NEMP2: variants seen among roughly 807,000 people sequenced by gnomAD.
NEMP2 encodes UPF0571 transmembrane protein.
NEMP2 carries 53 observed loss-of-function variants against 54.2 expected under a neutral mutation model. That is an observed-to-expected ratio of 0.98 (90% confidence interval 0.78 to 1.23). The LOEUF is 1.23. NEMP2 is among the 50% of genes most tolerant of loss of function. The pLI, the probability that NEMP2 is intolerant of heterozygous loss-of-function variation, is 0.00. For missense variants in NEMP2, 455 were observed against 511.3 expected, an observed-to-expected ratio of 0.89 and a Z score of 1.06; for synonymous variants, 197 against 190.3, an observed-to-expected ratio of 1.04 and a Z score of -0.29.
At chr2:190,648,761 A>G in the NEMP2 span, 1 of 149,464 alleles carries the variant, frequency 6.7e-6, no homozygotes, top group South Asian at 2.1e-4. Context: ...CCCGGCGCCC[A>G]CTTGGTTCCT....
chr2:190,509,437 A>G lies in NEMP2; in HGVS notation c.1131-125T>C. The G allele has an allele frequency of 9.4e-7, 1 of 1,069,446 alleles. No homozygotes were observed. Among genetic ancestry groups the G allele is most frequent in the Non-Finnish European group, 1.4e-6 (1 of 738,078 alleles). 66.2% of individuals were successfully genotyped at this position (1,069,446 alleles called of 1,614,324 possible). A position where few individuals can be genotyped will look rare whatever the true frequency, so the allele number is the denominator to read the frequency against. Reference sequence around the variant, plus strand: ...TGACTTTGCATCAATACAGGGTGGCATTTACACAGTGGGTGTAAAAATGGG... The same window carrying G: ...TGACTTTGCATCAATACAGGGTGGCGTTTACACAGTGGGTGTAAAAATGGG... On this transcript the variant is annotated intron_variant, in intron 8 of 8. Coordinates refer to ENST00000409150, the MANE Select transcript of NEMP2 (RefSeq NM_001142645.2). This position sits in a 1 kb window ranked among gnomAD's most constrained non-coding sequence, Gnocchi z 6.1.
the NEMP2 span, among the ~76,000 whole-genome samples, chr2:190,559,207 TTGAA>T: frequency 6.6e-6 from 1 of 152,230 alleles, no homozygotes; most frequent in East Asian, 1.9e-4. The surrounding 1 kb of genome is among the most constrained non-coding windows in gnomAD (Gnocchi z 4.0). Flanking sequence ...TCTGGCTTGA[TTGAA>T]TGGCCATTCT....
chr2:190,517,745 A>G, intron 4 of NEMP2, 132 bp from the exon 5 acceptor site: 1 of 669,044 alleles, frequency 1.5e-6, no homozygotes, highest in East Asian at 3.0e-5. Context: ...CTCTCATTAC[A>G]TCCTATACTC....
At chr2:190,485,940 A>T in the NEMP2 span, among the ~76,000 whole-genome samples, 1 of 152,196 alleles carries the variant, frequency 6.6e-6, no homozygotes, top group Non-Finnish European at 1.5e-5. This position sits in a 1 kb window ranked among gnomAD's most constrained non-coding sequence, Gnocchi z 5.1. Flanking sequence ...TCCATTATGG[A>T]CTGACTTAAG....
the NEMP2 span, among the ~76,000 whole-genome samples, chr2:190,637,807 C>G: frequency 6.6e-6 from 1 of 152,228 alleles, no homozygotes; most frequent in South Asian, 2.1e-4. The surrounding 1 kb of genome is among the most constrained non-coding windows in gnomAD (Gnocchi z 4.5). Context: ...GGAAATAGGG[C>G]AGAGATTTAA....
In NEMP2 at chr2:190,534,317, G is replaced by A. The variant is rs1424763671; in HGVS notation, c.97+242C>T. The A allele has an allele frequency of 2.5e-6, 3 of 1,184,598 alleles. No individual in the cohort carries two copies. The African/African-American group carries it at 4.8e-5, about 19-fold the overall frequency. The allele number at this position is 1,184,598 out of a possible 1,614,324, so 73.4% of individuals were successfully genotyped here. On this transcript the variant is annotated intron_variant, in intron 1 of 8. Transcript: ENST00000409150. Reference sequence around the variant, plus strand: ...AACGAGGGAATTGGGCGACTGGATCGCGCGGTTGCTTCTAATTCTAAAATT... The same window carrying A: ...AACGAGGGAATTGGGCGACTGGATCACGCGGTTGCTTCTAATTCTAAAATT...
chr2:190,458,846 A>G, the NEMP2 span, among the ~76,000 whole-genome samples: 5 of 152,190 alleles, frequency 3.3e-5, no homozygotes, highest in Admixed American at 3.3e-4. This position sits in a 1 kb window ranked among gnomAD's most constrained non-coding sequence, Gnocchi z 5.3. Context: ...CTCTCCCTCT[A>G]TTAGCTCTGT....
At chr2:190,601,105 T>C in the NEMP2 span, among the ~76,000 whole-genome samples, 1 of 152,134 alleles carries the variant, frequency 6.6e-6, no homozygotes, top group African/African-American at 2.4e-5. This position sits in a 1 kb window ranked among gnomAD's most constrained non-coding sequence, Gnocchi z 5.8. Context: ...GTGTAATTAG[T>C]TTAAGATGAG....
the NEMP2 span, among the ~76,000 whole-genome samples, chr2:190,449,870 G>A: frequency 6.6e-6 from 1 of 151,996 alleles, no homozygotes; most frequent in Non-Finnish European, 1.5e-5. Context: ...GTTGTGGGGT[G>A]GGGGAAGGGG....
the NEMP2 span, among the ~76,000 whole-genome samples, chr2:190,571,569 T>G: frequency 1.3e-5 from 2 of 151,698 alleles, no homozygotes; most frequent in African/African-American, 4.8e-5. Flanking sequence ...ATAATAATAA[T>G]AAACCTTTTC....
chr2:190,646,497 T>C, the NEMP2 span, among the ~76,000 whole-genome samples: 1 of 152,250 alleles, frequency 6.6e-6, no homozygotes, highest in Non-Finnish European at 1.5e-5. Flanking sequence ...GACTACAGTG[T>C]TGTCATACAG....
chr2:190,440,659 T>C, the NEMP2 span, among the ~76,000 whole-genome samples: 3 of 152,364 alleles, frequency 2.0e-5, no homozygotes, highest in African/African-American at 7.2e-5. Context: ...GATTTAAATT[T>C]ATTTACATTT....
In NEMP2 at chr2:190,517,109, A is replaced by G. The variant is rs1039501293; in HGVS notation, c.612+411T>C. Among the ~76,000 whole-genome samples, 146 of 151,342 alleles carry G rather than the reference A, an allele frequency of 9.6e-4. 1 individual carries two copies. The highest frequency in any genetic ancestry group is 3.3e-3 in the African/African-American group (136 of 41,364). On this transcript the variant is annotated intron_variant, in intron 5 of 8. Coordinates refer to ENST00000409150, the MANE Select transcript of NEMP2 (RefSeq NM_001142645.2). ...GTGTCTCAAAAAAAAAAAAAAAAAAAAAGAAGGTGGGTTGGGGAACTAATA... is the reference window on the plus strand; with the variant it reads ...GTGTCTCAAAAAAAAAAAAAAAAAAGAAGAAGGTGGGTTGGGGAACTAATA...
the NEMP2 span, chr2:190,610,863 A>G: frequency 3.9e-5 from 6 of 152,224 alleles, no homozygotes; most frequent in African/African-American, 1.2e-4. This position sits in a 1 kb window ranked among gnomAD's most constrained non-coding sequence, Gnocchi z 5.4. Context: ...CAAAAAGATC[A>G]CTTCAGTCTC....
the NEMP2 span, chr2:190,477,267 A>G: frequency 2.0e-6 from 2 of 984,056 alleles, no homozygotes; most frequent in African/African-American, 1.7e-5. Context: ...ACAAGGTAAT[A>G]TGCAACACAG....
chr2:190,606,122 G>T, the NEMP2 span, among the ~76,000 whole-genome samples: 2 of 152,180 alleles, frequency 1.3e-5, no homozygotes, highest in African/African-American at 4.8e-5. Flanking sequence ...TTAAGCTAAG[G>T]CCGGACCAAA....
the NEMP2 span, among the ~76,000 whole-genome samples, chr2:190,601,197 A>C: frequency 0.018 from 2,720 of 152,220 alleles, 77 homozygotes; most frequent in African/African-American, 0.062. This position sits in a 1 kb window ranked among gnomAD's most constrained non-coding sequence, Gnocchi z 5.8. Context: ...AGTCACATAT[A>C]CAGAGAGAAC....
chr2:190,500,765 A>G (rs1019885560), downstream of NEMP2: 3 of 152,906 alleles, frequency 2.0e-5, no homozygotes, highest in Non-Finnish European at 4.4e-5. The surrounding 1 kb of genome is among the most constrained non-coding windows in gnomAD (Gnocchi z 5.3). Flanking sequence ...GTTAAAAGTT[A>G]AAGTTAAAAA....
At chr2:190,574,725 T>G in the NEMP2 span, among the ~76,000 whole-genome samples, 3 of 151,702 alleles carry the variant, frequency 2.0e-5, no homozygotes, top group South Asian at 6.3e-4. Flanking sequence ...TCTTTCTTTC[T>G]TTCCTTTCTT....
Sources: allele counts gnomAD v4.1 joint callset (sites outside exome capture counted in the v4.1 genomes callset), GRCh38; gene constraint gnomAD v4.1.1; non-coding constraint Gnocchi (gnomAD v3.1); transcripts MANE v1.5; gene names NCBI Gene and HGNC (gene_info 2026-07-23, HGNC 2026-07-21).